Variants in COL18A1 observed in about 807,000 individuals in gnomAD.
COL18A1 encodes collagen type XVIII alpha 1 chain.
COL18A1 carries 133 observed loss-of-function variants against 168.0 expected under a neutral mutation model. That is an observed-to-expected ratio of 0.79 (90% confidence interval 0.69 to 0.91). The LOEUF (loss-of-function observed/expected upper bound fraction) is 0.91. Ranked by LOEUF, COL18A1 falls within the 40% of genes least tolerant of loss-of-function variation. The pLI, the probability that COL18A1 is intolerant of heterozygous loss-of-function variation, is 0.00. For missense variants in COL18A1, 2,126 were observed against 1,925.4 expected, an observed-to-expected ratio of 1.10 and a Z score of -1.95; for synonymous variants, 949 against 809.0, an observed-to-expected ratio of 1.17 and a Z score of -2.94.
At chr21:45,445,392 G>A (rs2034482666) in intron 2 of COL18A1, among the ~76,000 whole-genome samples, 1 of 152,224 alleles carries the variant, frequency 6.6e-6, no homozygotes, top group Non-Finnish European at 1.5e-5. Flanking sequence ...CCACCTTTTA[G>A]CTGTGATGAA....
intron 17 of COL18A1, among the ~76,000 whole-genome samples, chr21:45,487,840 T>A (rs540524069): frequency 1.3e-5 from 2 of 152,354 alleles, no homozygotes; most frequent in East Asian, 3.9e-4. Flanking sequence ...TGGCCCCAAT[T>A]TTTGGTAGTA....
rs917271871 is a variant in COL18A1, at chr21:45,456,580, A to G, written c.107-11662A>G. 7 of 1,543,162 alleles carry G rather than the reference A, an allele frequency of 4.5e-6. No homozygotes were observed. In the African/African-American group the frequency reaches 8.2e-5, roughly 18 times the overall value. On this transcript the variant is annotated intron_variant, in intron 2 of 41. Transcript: ENST00000651438. ...CAGTCTGCGGCCACCTGGGCATCTC[A>G]CGCTTCTGGCTGCCCAACCACCTCC...
chr21:45,408,593 G>T (rs1287071565), intron 2 of COL18A1: 1 of 152,318 alleles, frequency 6.6e-6, no homozygotes, highest in Non-Finnish European at 1.5e-5. Flanking sequence ...GCTGGGCTGG[G>T]GTAGAAGCTG....
In COL18A1 at chr21:45,498,151, G is replaced by T. The variant is rs76675535; in HGVS notation, c.2683+490G>T. 52,056 of 656,640 alleles carry T rather than the reference G, an allele frequency of 0.079. 2,470 individuals carry two copies. The highest frequency in any genetic ancestry group is 0.1 in the South Asian group (6,021 of 60,468). 40.7% of individuals were successfully genotyped at this position (656,640 alleles called of 1,614,324 possible). A position where few individuals can be genotyped will look rare whatever the true frequency, so the allele number is the denominator to read the frequency against. On this transcript the variant is annotated intron_variant, in intron 32 of 41. Coordinates refer to ENST00000651438, the MANE Select transcript of COL18A1 (RefSeq NM_001379500.1). The surrounding 1 kb of genome is among the most constrained non-coding windows in gnomAD (Gnocchi z 4.5). ...CCCCTGAGCCCCACCTCCATTGAGG[G>T]TGGCAGGGCTGCTTGGATGTCCTGC...
intron 19 of COL18A1, 88 bp downstream of exon 19, chr21:45,489,609 C>A: frequency 1.2e-6 from 1 of 826,872 alleles, no homozygotes; most frequent in Non-Finnish European, 1.9e-6. Context: ...CTCGGGGCGG[C>A]CTTCCCCGCT....
chr21:45,456,632 G>A, intron 2 of COL18A1: 1 of 1,538,280 alleles, frequency 6.5e-7, no homozygotes, highest in Non-Finnish European at 8.7e-7. Context: ...GCAGGTGCGG[G>A]CCGGGGCACG....
At chr21:45,437,823 C>CAG (rs2034216097) in intron 2 of COL18A1, among the ~76,000 whole-genome samples, 1 of 69,724 alleles carries the variant, frequency 1.4e-5, no homozygotes, top group Non-Finnish European at 2.5e-5. Context: ...TGCACACACT[C>CAG]ACACTCAGAC....
chr21:45,477,857 A>C lies in COL18A1; in HGVS notation c.1113A>C (p.Pro371=). 1 of 1,554,662 alleles carries C rather than the reference A, an allele frequency of 6.4e-7. No individual in the cohort carries two copies. Among genetic ancestry groups the C allele is most frequent in the Non-Finnish European group, 8.7e-7 (1 of 1,148,952 alleles). Residue 371 remains proline (P), a synonymous_variant, in exon 8 of 42, where the codon CCA becomes CCC. Coordinates refer to ENST00000651438, the MANE Select transcript of COL18A1 (RefSeq NM_001379500.1). Reference sequence around the variant, plus strand: ...CTGGTCCCCCGGGTCTCCCGTGCCCAGTGAGTCCCCTGGGTCCTGCAGGCC... The same window carrying C: ...CTGGTCCCCCGGGTCTCCCGTGCCCCGTGAGTCCCCTGGGTCCTGCAGGCC... ...CLPGPPGLPC[P]VSPLGPAGPA...
intron 20 of COL18A1, 57 bp from the exon 21 acceptor site, chr21:45,490,779 G>A (rs898239089): frequency 6.6e-7 from 1 of 1,525,162 alleles, no homozygotes; most frequent in Non-Finnish European, 8.9e-7. Flanking sequence ...TCCCTCACGG[G>A]GGGCCAGGGG....
At chr21:45,505,565 T>A in intron 36 of COL18A1, 134 bp downstream of exon 36, 1 of 691,738 alleles carries the variant, frequency 1.4e-6, no homozygotes, top group South Asian at 1.6e-5. Context: ...GTTTCCAGGG[T>A]GGAAGCGGGG....
In COL18A1 at chr21:45,477,827, C is replaced by T. The variant is rs755407910; in HGVS notation, c.1083C>T (p.Cys361=). The part of the protein sequence containing the change: ...PGRAGPPGSP[C]LPGPPGLPCP... ...GGGCAGGCCCCCCAGGATCCCCATG[C>T]CTACCTGGTCCCCCGGGTCTCCCGT... is the stretch of plus-strand genomic sequence containing the variant. Residue 361 remains cysteine (C), a synonymous_variant, in exon 8 of 42, where the codon TGC becomes TGT. Transcript: ENST00000651438. The T allele has an allele frequency of 2.4e-5, 38 of 1,552,574 alleles. 1 individual carries two copies. In the South Asian group the frequency reaches 4.4e-4, roughly 18 times the overall value.
At chr21:45,479,694 G>A (rs1159901662) in intron 9 of COL18A1, among the ~76,000 whole-genome samples, 2 of 152,114 alleles carry the variant, frequency 1.3e-5, no homozygotes, top group Admixed American at 1.3e-4. Flanking sequence ...GATGCTGCCC[G>A]CAGCTTCCCC....
chr21:45,449,005 G>A lies in COL18A1; in HGVS notation c.107-19237G>A, dbSNP rs528884778. Among the ~76,000 whole-genome samples the A allele has an allele frequency of 2.6e-5, 4 of 152,354 alleles. No homozygotes were observed. The East Asian group carries it at 7.7e-4, about 29-fold the overall frequency. On this transcript the variant is annotated intron_variant, in intron 2 of 41. Coordinates refer to ENST00000651438, the MANE Select transcript of COL18A1 (RefSeq NM_001379500.1). ...GTGGAGAGCCATGGCAGGGGACTGT[G>A]TGTCCTCCCCGTGGCCTCCTGTCAG...
chr21:45,486,061 G>GC (rs1167756637), intron 15 of COL18A1, among the ~76,000 whole-genome samples: 1 of 152,144 alleles, frequency 6.6e-6, no homozygotes, highest in Non-Finnish European at 1.5e-5. Flanking sequence ...CCTCCCTCAC[G>GC]CCCCCCACAC....
At chr21:45,426,686 G>A (rs990704233) in intron 2 of COL18A1, among the ~76,000 whole-genome samples, 11 of 152,230 alleles carry the variant, frequency 7.2e-5, no homozygotes, top group African/African-American at 1.9e-4. Flanking sequence ...GTGAGACCAC[G>A]GGAGTGTCCG....
intron 32 of COL18A1, among the ~76,000 whole-genome samples, chr21:45,500,042 A>C (rs1221498978): frequency 1.3e-5 from 2 of 151,878 alleles, no homozygotes; most frequent in African/African-American, 4.8e-5. Context: ...AGGGCTGGAG[A>C]GGTCGAGGCA....
intron 32 of COL18A1, among the ~76,000 whole-genome samples, chr21:45,501,931 C>A (rs1448193038): frequency 9.5e-6 from 1 of 105,540 alleles, no homozygotes; most frequent in African/African-American, 3.8e-5. Flanking sequence ...GGTCACCTCC[C>A]TCTGCAGAAG....
At chr21:45,446,050 GTTT>G (rs566224156) in intron 2 of COL18A1, among the ~76,000 whole-genome samples, 1 of 152,106 alleles carries the variant, frequency 6.6e-6, no homozygotes, top group African/African-American at 2.4e-5. Flanking sequence ...ACCTTCAAAA[GTTT>G]TTTTATTTTA....
At chr21:45,435,006 C>T (rs2034061641) in intron 2 of COL18A1, among the ~76,000 whole-genome samples, 1 of 152,020 alleles carries the variant, frequency 6.6e-6, no homozygotes, top group Non-Finnish European at 1.5e-5. Flanking sequence ...TGCATGGTTT[C>T]CTGAGGGACG....
Sources: gnomAD v4.1 joint callset for allele counts (sites outside exome capture counted in the v4.1 genomes callset) on GRCh38, gnomAD v4.1.1 for gene constraint, Gnocchi (gnomAD v3.1) non-coding constraint, MANE v1.5 for transcripts, NCBI Gene and HGNC (gene_info 2026-07-23, HGNC 2026-07-21) for gene names.